Variants in MAP4K3 observed in about 807,000 individuals in gnomAD.
The protein encoded by MAP4K3 is mitogen-activated protein kinase kinase kinase kinase 3.
In MAP4K3, 94 loss-of-function variants were observed where a neutral mutation model predicts 143.5. The ratio of observed to expected loss-of-function variants is 0.65; its 90% CI spans 0.55 to 0.78. The LOEUF (loss-of-function observed/expected upper bound fraction) is 0.78, where lower values mean the gene tolerates loss of function less well. Ranked by LOEUF, MAP4K3 falls within the 30% of genes least tolerant of loss-of-function variation. MAP4K3 has a pLI of 0.00. For missense variants in MAP4K3, 1,077 were observed against 1,068.1 expected, an observed-to-expected ratio of 1.01 and a Z score of -0.12; for synonymous variants, 416 against 347.2, an observed-to-expected ratio of 1.20 and a Z score of -2.20.
At position 39,284,173 on chromosome 2, in the gene MAP4K3, A is replaced by AT. The variant is rs1243561155; in HGVS notation, c.1588-1620dup. 5.3e-5 allele frequency among the ~76,000 whole-genome samples: 8 copies of AT among 151,196 alleles called. No homozygotes were observed. The South Asian group carries it at 1.1e-3, about 20-fold the overall frequency. ...CATCTTTTTTTGTTGTTGTTTTTTT[A>AT]TTTTTTTTGAGACAGTCTTGCTCTG... On this transcript the variant is annotated intron_variant, in intron 21 of 33. Transcript: ENST00000263881.
At chr2:39,405,757 A>T (rs1325590913) in intron 1 of MAP4K3, among the ~76,000 whole-genome samples, 1 of 152,116 alleles carries the variant, frequency 6.6e-6, no homozygotes, top group Non-Finnish European at 1.5e-5. Context: ...GGTCCCATCT[A>T]CGTGGGAGGC....
intron 16 of MAP4K3, among the ~76,000 whole-genome samples, chr2:39,296,113 C>G (rs1048666857): frequency 6.6e-6 from 1 of 152,006 alleles, no homozygotes; most frequent in African/African-American, 2.4e-5. Flanking sequence ...AGCAGATAGC[C>G]CATGGCTCAG....
rs1666938375 is a variant in MAP4K3, at chr2:39,400,951, A to G, written c.97-22828T>C. Among the ~76,000 whole-genome samples, 2 of 152,118 alleles carry G rather than the reference A, an allele frequency of 1.3e-5. 1 individual carries two copies. Among genetic ancestry groups the G allele is most frequent in the South Asian group, 4.1e-4 (2 of 4,826 alleles). On this transcript the variant is annotated intron_variant, in intron 1 of 33. Coordinates refer to ENST00000263881, the MANE Select transcript of MAP4K3 (RefSeq NM_003618.4). Reference sequence around the variant, plus strand: ...TGAGACAGGAGTGTGACCCTGTCTCAGAAAAAACAAATAAATACAAGAATC... The same window carrying G: ...TGAGACAGGAGTGTGACCCTGTCTCGGAAAAAACAAATAAATACAAGAATC...
chr2:39,393,637 A>T (rs1666727771), intron 1 of MAP4K3, among the ~76,000 whole-genome samples: 1 of 152,146 alleles, frequency 6.6e-6, no homozygotes, highest in Non-Finnish European at 1.5e-5. Context: ...ATTTTTTAAG[A>T]TCACTTATGT....
chr2:39,285,772 T>G (rs1681747583), intron 21 of MAP4K3, among the ~76,000 whole-genome samples: 3 of 152,086 alleles, frequency 2.0e-5, no homozygotes, highest in Admixed American at 2.0e-4. Context: ...ATACAAAAAC[T>G]TCCAAAAAAC....
At chr2:39,326,307 C>T (rs1200590202) in intron 8 of MAP4K3, 30 bp from the exon 9 acceptor site, 1 of 1,608,912 alleles carries the variant, frequency 6.2e-7, no homozygotes, top group Non-Finnish European at 8.5e-7. Context: ...AAATAAAAAA[C>T]TTCTGTTATA....
rs984551976 is a variant in MAP4K3 at position 39,249,422 on chromosome 2, T to C, written c.*1196A>G. ...CTCACATTAAAATATAAAGAACATA[T>C]ACCAAAAAGAGCCAAAAGTGTGCAT... On this transcript the variant is annotated 3_prime_UTR_variant, in exon 34 of 34. Transcript: ENST00000263881. The C allele has an allele frequency of 2.6e-5, 4 of 152,558 alleles. No homozygotes were observed. The highest frequency in any genetic ancestry group is 9.7e-5 in the African/African-American group (4 of 41,442). 9.5% of individuals were successfully genotyped at this position (152,558 alleles called of 1,614,324 possible). A position where few individuals can be genotyped will look rare whatever the true frequency, so the allele number is the denominator to read the frequency against.
intron 4 of MAP4K3, among the ~76,000 whole-genome samples, chr2:39,341,505 A>G (rs1308722457): frequency 6.6e-6 from 1 of 151,844 alleles, no homozygotes; most frequent in African/African-American, 2.4e-5. Flanking sequence ...AAAAATATAA[A>G]AATTAGCCGG....
At chr2:39,253,801 G>A (rs1212587241) in intron 32 of MAP4K3, among the ~76,000 whole-genome samples, 1 of 152,162 alleles carries the variant, frequency 6.6e-6, no homozygotes, top group African/African-American at 2.4e-5. Flanking sequence ...AACATTCTAG[G>A]GGGCAAGTGC....
At chr2:39,420,233 T>C (rs1231258409) in intron 1 of MAP4K3, among the ~76,000 whole-genome samples, 1 of 152,240 alleles carries the variant, frequency 6.6e-6, no homozygotes, top group Non-Finnish European at 1.5e-5. Context: ...TTTACTCCAT[T>C]ATTCTTAACT....
intron 15 of MAP4K3, among the ~76,000 whole-genome samples, chr2:39,301,414 C>A (rs115566746): frequency 0.011 from 1,716 of 152,310 alleles, 15 homozygotes; most frequent in Non-Finnish European, 0.018. Context: ...GACTTTACCA[C>A]TGAATCCTTA....
chr2:39,412,912 G>C (rs138138937), intron 1 of MAP4K3, among the ~76,000 whole-genome samples: 98 of 151,844 alleles, frequency 6.5e-4, no homozygotes, highest in Non-Finnish European at 1.3e-3. Flanking sequence ...CTAACTACTT[G>C]GTCATCTGAC....
intron 19 of MAP4K3, among the ~76,000 whole-genome samples, chr2:39,289,760 T>A (rs1370580618): frequency 6.6e-6 from 1 of 152,216 alleles, no homozygotes; most frequent in East Asian, 1.9e-4. Context: ...TCATTTTCAG[T>A]GTAAATTCCT....
At chr2:39,434,192 A>G (rs1665381723) in intron 1 of MAP4K3, among the ~76,000 whole-genome samples, 2 of 152,390 alleles carry the variant, frequency 1.3e-5, no homozygotes, top group African/African-American at 4.8e-5. Flanking sequence ...TGACAAATTA[A>G]GGAACAAATT....
intron 4 of MAP4K3, among the ~76,000 whole-genome samples, chr2:39,343,122 A>G (rs551965677): frequency 6.6e-6 from 1 of 152,334 alleles, no homozygotes; most frequent in South Asian, 2.1e-4. Context: ...TTGAATTTTT[A>G]CAAGTCTGAG....
intron 2 of MAP4K3, among the ~76,000 whole-genome samples, chr2:39,357,232 G>A (rs190272141): frequency 5.9e-5 from 9 of 152,260 alleles, no homozygotes; most frequent in East Asian, 1.9e-4. Flanking sequence ...GAATGCAAAT[G>A]TGGTGAACCA....
At chr2:39,309,885 T>C (rs555750684) in intron 13 of MAP4K3, among the ~76,000 whole-genome samples, 96 of 152,242 alleles carry the variant, frequency 6.3e-4, no homozygotes, top group African/African-American at 2.2e-3. Flanking sequence ...ATATTCTTAA[T>C]GATATAATAA....
chr2:39,298,420 C>A (rs906759158), intron 16 of MAP4K3, among the ~76,000 whole-genome samples: 2 of 151,988 alleles, frequency 1.3e-5, no homozygotes, highest in Admixed American at 6.6e-5. Flanking sequence ...AACTGAAGTT[C>A]AGCTTAAATA....
intron 3 of MAP4K3, among the ~76,000 whole-genome samples, chr2:39,348,762 A>G (rs1425720309): frequency 1.3e-5 from 2 of 152,182 alleles, no homozygotes; most frequent in Non-Finnish European, 2.9e-5. Flanking sequence ...AAAATTAAGT[A>G]GAGGGGGAAA....
Sources: allele counts gnomAD v4.1 joint callset (sites outside exome capture counted in the v4.1 genomes callset), GRCh38; gene constraint gnomAD v4.1.1; transcripts MANE v1.5; gene names NCBI Gene and HGNC (gene_info 2026-07-23, HGNC 2026-07-21).